HDAC9: variants seen among roughly 807,000 people sequenced by gnomAD.
The protein encoded by HDAC9 is MEF-2 interacting transcription repressor (MITR) protein.
Under a neutral mutation model 139.4 loss-of-function variants are expected in HDAC9, and 41 were observed. That is an observed-to-expected ratio of 0.29 (90% CI 0.23 to 0.38). The LOEUF is 0.38. HDAC9 is among the 10% of genes least tolerant of loss of function. The pLI, the probability that HDAC9 is intolerant of heterozygous loss-of-function variation, is 1.00. For missense variants in HDAC9, 1,147 were observed against 1,297.0 expected (o/e 0.88, Z 1.78); for synonymous variants, 517 against 476.2 (o/e 1.09, Z -1.12).
At chr7:18,438,276 A>C (rs866521360) in intron 1 of HDAC9, among the ~76,000 whole-genome samples, 4 of 152,028 alleles carry the variant, frequency 2.6e-5, no homozygotes, top group Admixed American at 6.6e-5. Flanking sequence ...AATATGAGAT[A>C]CCTTTATTCA....
chr7:18,965,190 C>T (rs1468415275), intron 24 of HDAC9, among the ~76,000 whole-genome samples: 2 of 152,180 alleles, frequency 1.3e-5, no homozygotes, highest in Admixed American at 6.5e-5. Flanking sequence ...GCTAAGAAAA[C>T]TGGAATATCC....
intron 2 of HDAC9, among the ~76,000 whole-genome samples, chr7:18,187,830 A>G (rs980488189): frequency 3.4e-4 from 52 of 152,180 alleles, no homozygotes; most frequent in African/African-American, 1.2e-3. Flanking sequence ...TCAAGGGTAT[A>G]GGGCAAACCA....
chr7:18,211,340 A>T (rs560720825), intron 2 of HDAC9, among the ~76,000 whole-genome samples: 1 of 152,296 alleles, frequency 6.6e-6, no homozygotes, highest in South Asian at 2.1e-4. Context: ...TATTTCTTGG[A>T]TTTAAATATA....
intron 2 of HDAC9, among the ~76,000 whole-genome samples, chr7:18,503,589 G>C (rs867285317): frequency 1.3e-5 from 2 of 151,944 alleles, no homozygotes; most frequent in African/African-American, 4.8e-5. Flanking sequence ...TGGGCTTTTC[G>C]TGTACAGTGT....
chr7:18,261,175 A>T (rs1028610995), intron 2 of HDAC9, among the ~76,000 whole-genome samples: 2 of 151,924 alleles, frequency 1.3e-5, no homozygotes, highest in African/African-American at 4.8e-5. Flanking sequence ...GTGCATGGTG[A>T]TGCAGGCCTA....
At chr7:18,792,833 C>T (rs970078965) in intron 16 of HDAC9, among the ~76,000 whole-genome samples, 3 of 152,230 alleles carry the variant, frequency 2.0e-5, no homozygotes, top group Non-Finnish European at 4.4e-5. Context: ...CTACTTTCTA[C>T]TCCCTGACTG....
At chr7:18,620,542 A>G (rs1193280424) in intron 6 of HDAC9, among the ~76,000 whole-genome samples, 4 of 151,600 alleles carry the variant, frequency 2.6e-5, no homozygotes, top group Middle Eastern at 3.4e-3. Context: ...ACTAGAACAA[A>G]CAGGAAAAAA....
At chr7:18,360,959 G>A (rs1478634810) in intron 1 of HDAC9, among the ~76,000 whole-genome samples, 2 of 152,120 alleles carry the variant, frequency 1.3e-5, no homozygotes, top group Admixed American at 6.5e-5. Context: ...ACCCTTGTCT[G>A]GGATCAGTTT....
intron 2 of HDAC9, among the ~76,000 whole-genome samples, chr7:18,198,453 A>G (rs1172595724): frequency 1.3e-5 from 2 of 152,204 alleles, no homozygotes; most frequent in African/African-American, 4.8e-5. Flanking sequence ...AACAAAGGGA[A>G]GAATCAGTGG....
At chr7:18,558,857 A>T (rs1195761078) in intron 2 of HDAC9, among the ~76,000 whole-genome samples, 1 of 152,216 alleles carries the variant, frequency 6.6e-6, no homozygotes, top group Non-Finnish European at 1.5e-5. Flanking sequence ...CTGCATGGAT[A>T]CACCTGAAAC....
intron 2 of HDAC9, among the ~76,000 whole-genome samples, chr7:18,502,826 C>G (rs577249340): frequency 6.6e-6 from 1 of 152,256 alleles, no homozygotes; most frequent in South Asian, 2.1e-4. Flanking sequence ...ATTGTGGCCT[C>G]ATGCCTTACA....
At chr7:18,396,329 A>T (rs1297484641) in intron 1 of HDAC9, among the ~76,000 whole-genome samples, 1 of 152,128 alleles carries the variant, frequency 6.6e-6, no homozygotes, top group African/African-American at 2.4e-5. Context: ...AACTTATAAG[A>T]TGATTACAGA....
intron 2 of HDAC9, among the ~76,000 whole-genome samples, chr7:18,196,662 T>G (rs80355235): frequency 6.6e-6 from 1 of 152,088 alleles, no homozygotes; most frequent in Admixed American, 6.6e-5. Context: ...CATTATAAGT[T>G]AAGGAGTAGA....
chr7:18,612,154 G>C (rs1454442361), intron 6 of HDAC9, among the ~76,000 whole-genome samples: 1 of 151,956 alleles, frequency 6.6e-6, no homozygotes, highest in Non-Finnish European at 1.5e-5. Flanking sequence ...TAAACTTACA[G>C]GCCCATAAAT....
intron 1 of HDAC9, among the ~76,000 whole-genome samples, chr7:18,306,339 A>G (rs943538601): frequency 3.3e-5 from 5 of 152,160 alleles, no homozygotes; most frequent in Non-Finnish European, 7.4e-5. Context: ...GTTAGAAGTC[A>G]ATGTCTGGCC....
intron 16 of HDAC9, among the ~76,000 whole-genome samples, chr7:18,792,263 T>C (rs2129178483): frequency 6.7e-6 from 1 of 149,854 alleles, no homozygotes; most frequent in African/African-American, 2.5e-5. Context: ...TTCTCTTTTT[T>C]TTTTAAAAAA....
At chr7:18,328,376 A>C (rs1204090607) in intron 1 of HDAC9, among the ~76,000 whole-genome samples, 1 of 151,866 alleles carries the variant, frequency 6.6e-6, no homozygotes, top group Non-Finnish European at 1.5e-5. Context: ...TAGTGCTCTT[A>C]TGCAGGGACA....
chr7:18,526,626 G>T (rs1198884819), intron 2 of HDAC9, among the ~76,000 whole-genome samples: 2 of 152,144 alleles, frequency 1.3e-5, no homozygotes, highest in Non-Finnish European at 2.9e-5. Flanking sequence ...TATAAGAACT[G>T]ACTGAAATTT....
intron 14 of HDAC9, among the ~76,000 whole-genome samples, chr7:18,759,356 G>A (rs76851932): frequency 0.016 from 2,392 of 152,162 alleles, 71 homozygotes; most frequent in African/African-American, 0.055. Context: ...TTGCATTACC[G>A]TCTGAGAACA....
Sources: allele counts gnomAD v4.1 joint callset (sites outside exome capture counted in the v4.1 genomes callset), GRCh38; gene constraint gnomAD v4.1.1; transcripts MANE v1.5; gene names NCBI Gene and HGNC (gene_info 2026-07-23, HGNC 2026-07-21).